The following LRSAM1 variants were observed in gnomAD, a reference collection of about 807,000 sequenced individuals.
The protein encoded by LRSAM1 is leucine rich repeat and sterile alpha motif containing 1, also known as E3 ubiquitin-protein ligase LRSAM1.
Under a neutral mutation model 118.1 loss-of-function variants are expected in LRSAM1, and 96 were observed. The observed-to-expected ratio is 0.81, with a 90% CI of 0.69 to 0.96. The LOEUF is 0.96. Ranked by LOEUF, LRSAM1 falls within the 40% of genes least tolerant of loss-of-function variation. LRSAM1 has a pLI of 0.00. For missense variants in LRSAM1, 804 were observed against 915.5 expected, an observed-to-expected ratio of 0.88 and a Z score of 1.57; for synonymous variants, 322 against 364.2, an observed-to-expected ratio of 0.88 and a Z score of 1.32.
chr9:127,459,148 G>C, intron 7 of LRSAM1, 77 bp downstream of exon 7: 1 of 1,438,154 alleles, frequency 7.0e-7, no homozygotes, highest in East Asian at 2.3e-5. Flanking sequence ...GGAATGTTCT[G>C]GCCGGGCTCC....
intron 5 of LRSAM1, among the ~76,000 whole-genome samples, chr9:127,456,255 C>T (rs1302553883): frequency 1.5e-4 from 20 of 137,238 alleles, no homozygotes; most frequent in African/African-American, 4.9e-4. Flanking sequence ...TTTTTGAAGA[C>T]GGACGCTCTG....
rs1184060505 is a variant in LRSAM1 at position 127,484,802 on chromosome 9, C to CTTTTTTCTTTTTTTTTTTTT, written c.1160-928_1160-927insCTTTTTTTTTTTTTTTTTTT. Among the ~76,000 whole-genome samples the CTTTTTTCTTTTTTTTTTTTT allele has an allele frequency of 4.9e-5, 3 of 61,204 alleles. 1 individual carries two copies. The highest frequency in any genetic ancestry group is 4.9e-5 in the Non-Finnish European group (1 of 20,398). The allele number at this position is 61,204 out of a possible 152,430, so 40.2% of individuals were successfully genotyped here. On this transcript the variant is annotated intron_variant, in intron 16 of 25. Coordinates refer to ENST00000300417, the MANE Select transcript of LRSAM1 (RefSeq NM_001005373.4). Reference sequence around the variant, plus strand: ...CAATTATTTTAATTTTTTGATTTTTCTTTTTTTCTTTTTTTTTTTTTTTTG... The same window carrying CTTTTTTCTTTTTTTTTTTTT: ...CAATTATTTTAATTTTTTGATTTTTCTTTTTTCTTTTTTTTTTTTTTTTTTTTCTTTTTTTTTTTTTTTTG...
chr9:127,489,950 G>A (rs1281321164), intron 19 of LRSAM1, among the ~76,000 whole-genome samples: 1 of 152,228 alleles, frequency 6.6e-6, no homozygotes, highest in East Asian at 1.9e-4. Flanking sequence ...CCAGAAGAGG[G>A]CAGGGGGAGC....
At chr9:127,481,121 G>A (rs1018022761) in intron 14 of LRSAM1, 62 bp from the exon 15 acceptor site, 40 of 1,581,652 alleles carry the variant, frequency 2.5e-5, no homozygotes, top group Middle Eastern at 1.7e-4. Flanking sequence ...CACAGCTAAC[G>A]CAGTGAGACA....
intron 16 of LRSAM1, among the ~76,000 whole-genome samples, chr9:127,484,547 G>A (rs1588125544): frequency 6.7e-6 from 1 of 149,946 alleles, no homozygotes; most frequent in Non-Finnish European, 1.5e-5. Context: ...TTTTTTTGAG[G>A]TAGGGTCTCA....
At chr9:127,457,699 G>C (rs376118759) in intron 6 of LRSAM1, among the ~76,000 whole-genome samples, 1 of 152,200 alleles carries the variant, frequency 6.6e-6, no homozygotes, top group Non-Finnish European at 1.5e-5. Context: ...CAAGAAGGAA[G>C]AGGAGGGACG....
intron 11 of LRSAM1, among the ~76,000 whole-genome samples, chr9:127,474,724 TCTAGTGAAGGAGTCAGACAGGCA>T (rs1835294302): frequency 6.6e-6 from 1 of 152,196 alleles, no homozygotes; most frequent in African/African-American, 2.4e-5. Flanking sequence ...ATGCTCTGGG[TCTAGTGAAGGAGTCAGACAGGCA>T]CATGTGTGAG....
At chr9:127,499,209 C>T (rs978601284) in intron 24 of LRSAM1, among the ~76,000 whole-genome samples, 6 of 151,862 alleles carry the variant, frequency 4.0e-5, no homozygotes, top group Non-Finnish European at 5.9e-5. Context: ...CCCTTCTCTA[C>T]AAAAAATAAA....
Position 127,455,071 on chromosome 9 carries a change from G to A in LRSAM1, c.129+17G>A, listed in dbSNP as rs1410687818. ...CTCTCAGAGGTAAACTGAGGATAGT[G>A]TTGGGCTGTGAATTGGATCTGTCCC... is the stretch of plus-strand genomic sequence containing the variant. On this transcript the variant is annotated intron_variant, in intron 4 of 25. Coordinates refer to ENST00000300417, the MANE Select transcript of LRSAM1 (RefSeq NM_001005373.4). 2 of 1,613,350 alleles carry A rather than the reference G, an allele frequency of 1.2e-6. No individual in the cohort carries two copies. The highest frequency in any genetic ancestry group is 1.7e-6 in the Non-Finnish European group (2 of 1,179,246).
At chr9:127,495,697 C>T (rs1836106906) in intron 22 of LRSAM1, among the ~76,000 whole-genome samples, 1 of 152,152 alleles carries the variant, frequency 6.6e-6, no homozygotes, top group Non-Finnish European at 1.5e-5. Context: ...TGTCCAGCAC[C>T]TGCGGGGACA....
intron 2 of LRSAM1, among the ~76,000 whole-genome samples, chr9:127,454,276 GC>G (rs1272109903): frequency 4.6e-5 from 7 of 151,422 alleles, no homozygotes; most frequent in East Asian, 2.0e-4. Flanking sequence ...TGCAGCCTCT[GC>G]CCCCATGGAA....
chr9:127,488,403 G>A (rs1835809683), intron 18 of LRSAM1, among the ~76,000 whole-genome samples: 1 of 151,588 alleles, frequency 6.6e-6, no homozygotes, highest in Non-Finnish European at 1.5e-5. Context: ...CTAGGATTAC[G>A]GGCACCCACC....
At chr9:127,491,318 G>A in intron 20 of LRSAM1, 23 bp downstream of exon 20, 2 of 1,598,414 alleles carry the variant, frequency 1.3e-6, no homozygotes, top group Non-Finnish European at 1.7e-6. Context: ...CCCTGCCCCT[G>A]CCCTCCTTCA....
At chr9:127,492,182 G>A (rs900001330) in intron 20 of LRSAM1, among the ~76,000 whole-genome samples, 10 of 152,204 alleles carry the variant, frequency 6.6e-5, no homozygotes, top group Admixed American at 5.9e-4. Flanking sequence ...AGATGGCAGC[G>A]GTCCTCCAGG....
At chr9:127,453,087 A>ATTTAT (rs1331383165) in intron 2 of LRSAM1, among the ~76,000 whole-genome samples, 1 of 151,590 alleles carries the variant, frequency 6.6e-6, no homozygotes, top group African/African-American at 2.4e-5. Flanking sequence ...TTATTTATTT[A>ATTTAT]TTATTATTTT....
At chr9:127,482,612 C>G (rs1835582408) in intron 15 of LRSAM1, among the ~76,000 whole-genome samples, 1 of 152,206 alleles carries the variant, frequency 6.6e-6, no homozygotes, top group Non-Finnish European at 1.5e-5. Flanking sequence ...TGTCAACCAA[C>G]CTAGTAGGTG....
intron 16 of LRSAM1, among the ~76,000 whole-genome samples, chr9:127,484,083 G>GC (rs1357095968): frequency 1.3e-5 from 2 of 150,978 alleles, no homozygotes; most frequent in Non-Finnish European, 2.9e-5. Context: ...AACTCCCCGT[G>GC]CCCCCCTCCC....
chr9:127,474,791 C>T (rs1030524212), intron 11 of LRSAM1, among the ~76,000 whole-genome samples: 1 of 152,272 alleles, frequency 6.6e-6, no homozygotes, highest in South Asian at 2.1e-4. Flanking sequence ...CAGGTCCTGG[C>T]GACAAGCTAG....
intron 22 of LRSAM1, 27 bp from the exon 23 acceptor site, chr9:127,495,937 C>G (rs1247078304): frequency 1.9e-6 from 3 of 1,611,072 alleles, no homozygotes; most frequent in African/African-American, 2.7e-5. Flanking sequence ...TTCCTTCCTG[C>G]TCATGGTACA....
Sources: allele counts gnomAD v4.1 joint callset (sites outside exome capture counted in the v4.1 genomes callset), GRCh38; gene constraint gnomAD v4.1.1; transcripts MANE v1.5; gene names NCBI Gene and HGNC (gene_info 2026-07-23, HGNC 2026-07-21).